Variants in CEP85L observed in about 807,000 individuals in gnomAD.
The protein encoded by CEP85L is centrosomal protein 85L, also known as centrosomal protein of 85 kDa-like.
CEP85L carries 60 observed loss-of-function variants against 100.3 expected under a neutral mutation model. The ratio of observed to expected loss-of-function variants is 0.60; its 90% CI spans 0.49 to 0.74. The LOEUF (loss-of-function observed/expected upper bound fraction) is 0.74. Ranked by LOEUF, CEP85L falls within the 30% of genes least tolerant of loss-of-function variation. The pLI is 0.00. For missense variants in CEP85L, 973 were observed against 936.2 expected (o/e 1.04, Z -0.51); for synonymous variants, 319 against 322.7 (o/e 0.99, Z 0.12).
intron 5 of CEP85L, among the ~76,000 whole-genome samples, chr6:118,494,191 T>C (rs1263292899): frequency 2.0e-5 from 3 of 152,094 alleles, no homozygotes; most frequent in Admixed American, 6.6e-5. Context: ...TTGGAGTAGA[T>C]AAATCTGAGA....
intron 5 of CEP85L, chr6:118,502,378 A>T: frequency 1.9e-6 from 1 of 525,380 alleles, no homozygotes; most frequent in Non-Finnish European, 3.6e-6. Flanking sequence ...GTTAAGACAG[A>T]TAGTTTGCTG....
intron 2 of CEP85L, among the ~76,000 whole-genome samples, chr6:118,587,055 T>C (rs1780902270): frequency 6.6e-6 from 1 of 152,242 alleles, no homozygotes; most frequent in African/African-American, 2.4e-5. Context: ...ATCTAGCTCC[T>C]ACAATATCTG....
At chr6:118,683,326 T>C (rs1776729005) in intron 1 of CEP85L, among the ~76,000 whole-genome samples, 1 of 152,202 alleles carries the variant, frequency 6.6e-6, no homozygotes, top group Non-Finnish European at 1.5e-5. Context: ...AATCTCTTTT[T>C]TGCCAAGCTG....
At chr6:118,482,413 T>C (rs886279285) in intron 7 of CEP85L, among the ~76,000 whole-genome samples, 18 of 152,196 alleles carry the variant, frequency 1.2e-4, no homozygotes, top group African/African-American at 4.3e-4. Flanking sequence ...ATCTCTGTGA[T>C]TGAATTCTTA....
At chr6:118,663,909 T>C (rs559001978) in intron 1 of CEP85L, among the ~76,000 whole-genome samples, 2 of 151,972 alleles carry the variant, frequency 1.3e-5, no homozygotes, top group South Asian at 4.2e-4. Context: ...TATTTTTTAT[T>C]CTTGGGAAGT....
chr6:118,580,265 G>A (rs779570329), intron 2 of CEP85L, among the ~76,000 whole-genome samples: 11 of 152,180 alleles, frequency 7.2e-5, no homozygotes, highest in Middle Eastern at 3.4e-3. Flanking sequence ...TATCCATGTC[G>A]TCGTATTTAA....
At chr6:118,522,229 G>T (rs1049894348) in intron 4 of CEP85L, among the ~76,000 whole-genome samples, 1 of 152,010 alleles carries the variant, frequency 6.6e-6, no homozygotes, top group Non-Finnish European at 1.5e-5. Flanking sequence ...GCGTGACGGC[G>T]CATGGCTGTA....
intron 2 of CEP85L, among the ~76,000 whole-genome samples, chr6:118,602,630 T>G (rs1781842964): frequency 6.6e-6 from 1 of 152,166 alleles, no homozygotes; most frequent in African/African-American, 2.4e-5. Flanking sequence ...TGTACCATAG[T>G]TTTTGAAACA....
chr6:118,597,389 G>C (rs1294912181), intron 2 of CEP85L, among the ~76,000 whole-genome samples: 4 of 152,134 alleles, frequency 2.6e-5, no homozygotes. Context: ...ATCACTCACT[G>C]TTTCATACAT....
intron 1 of CEP85L, among the ~76,000 whole-genome samples, chr6:118,699,757 T>G (rs1351463318): frequency 6.6e-6 from 1 of 152,148 alleles, no homozygotes; most frequent in African/African-American, 2.4e-5. Flanking sequence ...TGCAATGGCA[T>G]GATCTCGGCC....
chr6:118,589,348 GGAT>G (rs1781046965), intron 2 of CEP85L: 1 of 245,588 alleles, frequency 4.1e-6, no homozygotes, highest in Admixed American at 4.0e-5. Context: ...GCAGGAATCA[GGAT>G]GAATATCCTC....
intron 2 of CEP85L, among the ~76,000 whole-genome samples, chr6:118,631,837 T>A (rs947166436): frequency 3.9e-5 from 6 of 152,154 alleles, no homozygotes; most frequent in Non-Finnish European, 8.8e-5. Flanking sequence ...GTGGGAAACA[T>A]GAGGTATGTG....
In CEP85L at chr6:118,491,196, TACACACACACAC is replaced by T. The variant is rs1160030823; in HGVS notation, c.1437+478_1437+489del. ...CCCTTCTATTTCATACCAACATCTA[TACACACACACAC>T]ACACACACACACACACACACACACA... On this transcript the variant is annotated intron_variant, in intron 6 of 12. Transcript: ENST00000368491. 4.2e-4 allele frequency among the ~76,000 whole-genome samples: 49 copies of T among 116,432 alleles called. 1 individual carries two copies. The highest frequency in any genetic ancestry group is 1.2e-3 in the African/African-American group (36 of 30,022). The allele number at this position is 116,432 out of a possible 152,430, so 76.4% of individuals were successfully genotyped here. A position where few individuals can be genotyped will look rare whatever the true frequency, so the allele number is the denominator to read the frequency against.
At chr6:118,551,623 G>A (rs935216522) in intron 3 of CEP85L, among the ~76,000 whole-genome samples, 21 of 152,006 alleles carry the variant, frequency 1.4e-4, no homozygotes, top group Admixed American at 1.2e-3. Context: ...TCTCTGTGCT[G>A]TTGTTTAATG....
intron 6 of CEP85L, among the ~76,000 whole-genome samples, chr6:118,491,196 T>TACACACACACACACACACACAC (rs1160030823): frequency 8.6e-6 from 1 of 116,366 alleles, no homozygotes; most frequent in Non-Finnish European, 1.9e-5. Context: ...CCAACATCTA[T>TACACACACACACACACACACAC]ACACACACAC....
chr6:118,577,335 T>C (rs896412504), intron 2 of CEP85L, among the ~76,000 whole-genome samples: 4 of 152,152 alleles, frequency 2.6e-5, no homozygotes, highest in African/African-American at 7.2e-5. Context: ...TCTAATCCAA[T>C]TGGCAATCCC....
intron 1 of CEP85L, among the ~76,000 whole-genome samples, chr6:118,698,538 GA>G (rs5879467): frequency 5.2e-4 from 74 of 142,578 alleles, no homozygotes; most frequent in Middle Eastern, 7.3e-3. Context: ...TGCTGAAGCA[GA>G]AAAAAAAAAA....
chr6:118,534,513 C>T (rs755020337), intron 3 of CEP85L, among the ~76,000 whole-genome samples: 7 of 151,788 alleles, frequency 4.6e-5, no homozygotes, highest in Non-Finnish European at 1.0e-4. Context: ...ATTAGCTGGG[C>T]GTGGTGGCAC....
intron 3 of CEP85L, among the ~76,000 whole-genome samples, chr6:118,545,317 C>T (rs1331884155): frequency 6.6e-5 from 10 of 151,990 alleles, no homozygotes; most frequent in South Asian, 4.1e-4. Context: ...TAGCTGGGCG[C>T]GGTGGCTCAC....
Sources: gnomAD v4.1 joint callset for allele counts (sites outside exome capture counted in the v4.1 genomes callset) on GRCh38, gnomAD v4.1.1 for gene constraint, MANE v1.5 for transcripts, NCBI Gene and HGNC (gene_info 2026-07-23, HGNC 2026-07-21) for gene names.